Variants in NPHP3 observed in about 807,000 individuals in gnomAD.
NPHP3 encodes nephrocystin-3.
A neutral mutation model predicts 171.9 loss-of-function variants in NPHP3; 123 were observed. The ratio of observed to expected loss-of-function variants is 0.72; its 90% CI spans 0.62 to 0.83. The LOEUF is 0.83. NPHP3 is among the 40% of genes least tolerant of loss of function. The probability of loss-of-function intolerance (pLI) is 0.00; values close to 1 mark genes in which losing one functional copy is unlikely to be tolerated. For missense variants in NPHP3, 1,506 were observed against 1,591.9 expected, an observed-to-expected ratio of 0.95 and a Z score of 0.92; for synonymous variants, 558 against 579.2, an observed-to-expected ratio of 0.96 and a Z score of 0.52.
At chr3:132,699,312 ACAT>A in intron 13 of NPHP3, 38 bp downstream of exon 13, 1 of 1,362,990 alleles carries the variant, frequency 7.3e-7, no homozygotes, top group Non-Finnish European at 1.0e-6. Flanking sequence ...TGTACTTAAA[ACAT>A]TTCATGTACT....
In NPHP3 at chr3:132,709,291, T is replaced by C. The variant is rs918133808; in HGVS notation, c.1119-1034A>G. Among the ~76,000 whole-genome samples the C allele has an allele frequency of 7.4e-3, 1,012 of 136,100 alleles. 28 individuals carry two copies. The highest frequency in any genetic ancestry group is 0.026 in the African/African-American group (942 of 35,948). 89.3% of individuals were successfully genotyped at this position (136,100 alleles called of 152,430 possible). A position where few individuals can be genotyped will look rare whatever the true frequency, so the allele number is the denominator to read the frequency against. Reference sequence around the variant, plus strand: ...CTCTCCCTTTTTTTTTTTTTTTTTTTTTTTTTTTTGAGACAGGGTCTCACT... The same window carrying C: ...CTCTCCCTTTTTTTTTTTTTTTTTTCTTTTTTTTTGAGACAGGGTCTCACT... On this transcript the variant is annotated intron_variant, in intron 6 of 26. Transcript: ENST00000337331.
intron 4 of NPHP3, among the ~76,000 whole-genome samples, 186 bp downstream of exon 4, chr3:132,716,571 A>G (rs974336070): frequency 6.6e-6 from 1 of 152,216 alleles, no homozygotes; most frequent in Non-Finnish European, 1.5e-5. Flanking sequence ...TCTGATCACC[A>G]TATGAATTAT....
chr3:132,717,374 G>C (rs1020254702), intron 3 of NPHP3: 3 of 161,638 alleles, frequency 1.9e-5, no homozygotes, highest in African/African-American at 7.2e-5. Flanking sequence ...CAACCTCCTA[G>C]AGCAACAAAA....
chr3:132,688,747 G>A lies in NPHP3; in HGVS notation c.3028C>T (p.Gln1010Ter), dbSNP rs1455576108. ...GCATTTTCTGAGATTTCCAACGCCT[G>A]TTTATACAGTTGTTCTGCATTGCCA... ...KFGNAEQLYK[Q>*]ALEISENAYG... The change falls in exon 21 of 27, where the codon CAG becomes TAG. Residue 1010 changes from glutamine to a stop codon, truncating the protein, a stop_gained. Transcript: ENST00000337331. LOFTEE classifies it high-confidence loss of function. The A allele has an allele frequency of 6.2e-7, 1 of 1,614,142 alleles. No individual in the cohort carries two copies. Among genetic ancestry groups the A allele is most frequent in the East Asian group, 2.2e-5 (1 of 44,880 alleles).
At chr3:132,717,344 A>T (rs1940081122) in intron 3 of NPHP3, 1 of 169,776 alleles carries the variant, frequency 5.9e-6, no homozygotes, top group African/African-American at 2.4e-5. Flanking sequence ...AACTCTTTGC[A>T]GCAGGAAGTA....
At chr3:132,687,005 C>A in intron 22 of NPHP3, 146 bp downstream of exon 22, 1 of 565,510 alleles carries the variant, frequency 1.8e-6, no homozygotes, top group Non-Finnish European at 3.2e-6. Context: ...TATTTTAACA[C>A]ATAAATAAGA....
intron 23 of NPHP3, 140 bp from the exon 24 acceptor site, chr3:132,684,934 TTCCCC>T: frequency 1.0e-6 from 1 of 956,594 alleles, no homozygotes; most frequent in South Asian, 1.5e-5. Flanking sequence ...AAATCTTACT[TTCCCC>T]CTCTTCCCCA....
chr3:132,702,858 A>G (rs149642028), intron 9 of NPHP3, among the ~76,000 whole-genome samples: 3,145 of 152,314 alleles, frequency 0.021, 47 homozygotes, highest in Non-Finnish European at 0.032. Context: ...AACTTAGTTC[A>G]TGGTCCCACA....
At position 132,716,777 on chromosome 3, in the gene NPHP3, G is replaced by T. The variant is rs1477838330; in HGVS notation, c.803C>A (p.Pro268His). The T allele has an allele frequency of 3.7e-6, 6 of 1,614,032 alleles. No individual in the cohort carries two copies. The South Asian group carries it at 5.5e-5, about 15-fold the overall frequency. Reference protein sequence around the residue: ...FAHSSIDVEGPFANVNRDDWD... With the variant: ...FAHSSIDVEGHFANVNRDDWD... ...ATTACCTCTATTAACATTTGCAAAG[G>T]GTCCTTCCACATCTATAGAACTATG... The change falls in exon 4 of 27, where the codon CCC (proline) becomes CAC (histidine). Residue 268 changes from proline to histidine, a missense_variant. Coordinates refer to ENST00000337331, the MANE Select transcript of NPHP3 (RefSeq NM_153240.5).
At chr3:132,705,325 C>A (rs1301701543) in intron 8 of NPHP3, among the ~76,000 whole-genome samples, 2 of 152,048 alleles carry the variant, frequency 1.3e-5, no homozygotes, top group African/African-American at 2.4e-5. Flanking sequence ...ATGTTCTCAC[C>A]CCCCTGGAGG....
chr3:132,699,094 T>C (rs534089343), intron 13 of NPHP3, among the ~76,000 whole-genome samples: 1 of 152,296 alleles, frequency 6.6e-6, no homozygotes, highest in East Asian at 1.9e-4. Context: ...GGTTTCACCA[T>C]GTTGGCCAGG....
chr3:132,706,430 C>G (rs1213382700), intron 7 of NPHP3, among the ~76,000 whole-genome samples: 4 of 150,396 alleles, frequency 2.7e-5, no homozygotes, highest in Non-Finnish European at 4.4e-5. Context: ...TCCAAATTTT[C>G]TCTTATGTAT....
intron 1 of NPHP3, 44 bp from the exon 2 acceptor site, chr3:132,719,874 CT>C: frequency 7.2e-7 from 1 of 1,393,606 alleles, no homozygotes; most frequent in Non-Finnish European, 9.7e-7. Flanking sequence ...AATAGTCTTG[CT>C]CCTCAATTTT....
chr3:132,701,068 T>C (rs1032882796), intron 10 of NPHP3, among the ~76,000 whole-genome samples: 1 of 152,182 alleles, frequency 6.6e-6, no homozygotes, highest in Non-Finnish European at 1.5e-5. Context: ...AAAGTATCAA[T>C]GAAACTTTTA....
Position 132,681,624 on chromosome 3 carries a change from ACAAAGACCAATCCGCTCTT to A in NPHP3, c.*267_*285del. ...TAACTACTCTGCCAGCTCTTGTTGAACAAAGACCAATCCGCTCTTCATGATTTGCTCCTCATGTCTTCTT... is the reference window on the plus strand; with the variant it reads ...TAACTACTCTGCCAGCTCTTGTTGAACATGATTTGCTCCTCATGTCTTCTT... On this transcript the variant is annotated 3_prime_UTR_variant, in exon 27 of 27. Coordinates refer to ENST00000337331, the MANE Select transcript of NPHP3 (RefSeq NM_153240.5). 3 of 379,118 alleles carry A rather than the reference ACAAAGACCAATCCGCTCTT, an allele frequency of 7.9e-6. No homozygotes were observed. Among genetic ancestry groups the A allele is most frequent in the Non-Finnish European group, 1.5e-5 (3 of 201,034 alleles). The allele number at this position is 379,118 out of a possible 1,614,324, so 23.5% of individuals were successfully genotyped here.
chr3:132,714,396 A>G (rs571155531), intron 5 of NPHP3, among the ~76,000 whole-genome samples: 3 of 152,208 alleles, frequency 2.0e-5, no homozygotes, highest in Non-Finnish European at 4.4e-5. Context: ...AACCACAGTA[A>G]GGAGAAAATT....
Position 132,713,319 on chromosome 3 carries a change from TG to T in NPHP3, c.958-34del, listed in dbSNP as rs1179486485. 4 of 1,471,878 alleles carry T rather than the reference TG, an allele frequency of 2.7e-6. No homozygotes were observed. In the African/African-American group the frequency reaches 5.6e-5, roughly 21 times the overall value. The allele number at this position is 1,471,878 out of a possible 1,614,324, so 91.2% of individuals were successfully genotyped here. On this transcript the variant is annotated intron_variant, in intron 5 of 26. Transcript: ENST00000337331. Reference sequence around the variant, plus strand: ...CAAATGAAAACATACAAAAGTTTAATGTATTTAACTAAAGATCAAGTGAGAT... The same window carrying T: ...CAAATGAAAACATACAAAAGTTTAATTATTTAACTAAAGATCAAGTGAGAT...
chr3:132,702,047 A>G (rs1290716304), intron 9 of NPHP3, among the ~76,000 whole-genome samples: 3 of 152,046 alleles, frequency 2.0e-5, no homozygotes, highest in Non-Finnish European at 4.4e-5. Context: ...ACAAACAAAC[A>G]AACAAAAAAT....
At position 132,700,450 on chromosome 3, in the gene NPHP3, T is replaced by C; in HGVS notation, c.1629-2A>G. ...GAATTCTTCTGTTGTAATTGAATCCTGAAAGAAAAAGACAGAACTTTTATA... is the reference window on the plus strand; with the variant it reads ...GAATTCTTCTGTTGTAATTGAATCCCGAAAGAAAAAGACAGAACTTTTATA... On this transcript the variant is annotated splice_acceptor_variant, in intron 10 of 26. Coordinates refer to ENST00000337331, the MANE Select transcript of NPHP3 (RefSeq NM_153240.5). LOFTEE classifies it high-confidence loss of function. 1 of 1,573,334 alleles carries C rather than the reference T, an allele frequency of 6.4e-7. No homozygotes were observed. The highest frequency in any genetic ancestry group is 8.7e-7 in the Non-Finnish European group (1 of 1,147,978).
Sources: allele counts gnomAD v4.1 joint callset (sites outside exome capture counted in the v4.1 genomes callset), GRCh38; gene constraint gnomAD v4.1.1; transcripts MANE v1.5; gene names NCBI Gene and HGNC (gene_info 2026-07-23, HGNC 2026-07-21).